The following OR2A12 variants were observed in gnomAD, a reference collection of about 807,000 sequenced individuals.
OR2A12 encodes the protein olfactory receptor family 2 subfamily A member 12.
For synonymous variants in OR2A12, 153 were observed against 149.3 expected (o/e 1.02, Z -0.18); for missense variants, 380 against 372.5 (o/e 1.02, Z -0.17).
rs746190967 is a variant in OR2A12 at position 144,095,708 on chromosome 7, G to C, written c.601G>C (p.Gly201Arg). 8 of 1,614,072 alleles carry C rather than the reference G, an allele frequency of 5.0e-6. No homozygotes were observed. The highest frequency in any genetic ancestry group is 5.9e-6 in the Non-Finnish European group (7 of 1,180,014). ...TRLNQVVLFA[G>R]SAFILVGPLC... ...GCTCAACCAGGTGGTCCTATTTGCG[G>C]GTTCTGCGTTCATCTTAGTGGGGCC... The change falls in exon 2 of 2, where the codon GGT becomes CGT. Residue 201 changes from glycine to arginine, a missense_variant. Physicochemically the swap from Gly to Arg is moderately radical, Grantham distance 125. Transcript: ENST00000641592.
intron 1 of OR2A12, among the ~76,000 whole-genome samples, chr7:144,090,710 T>G (rs1379906070): frequency 6.6e-6 from 1 of 152,204 alleles, no homozygotes; most frequent in African/African-American, 2.4e-5. Flanking sequence ...TAGGCCCCTG[T>G]GCCTGTTGTT....
rs2051261492 is a variant in OR2A12, at chr7:144,095,917, GA to G, written c.812del (p.Lys271ArgfsTer14). On this transcript the variant is annotated frameshift_variant, in exon 2 of 2. Transcript: ENST00000641592. LOFTEE classifies it low-confidence loss of function (END_TRUNC). ...PKSSHSQERR[K>X]ILSLFYSLFN... ...AGTCAAGCCATTCTCAAGAACGGAG[GA>G]AGATCCTTTCCCTGTTTTACAGCCT... The G allele has an allele frequency of 1.2e-6, 2 of 1,614,134 alleles. No homozygotes were observed. Among genetic ancestry groups the G allele is most frequent in the Non-Finnish European group, 8.5e-7 (1 of 1,180,018 alleles).
intron 1 of OR2A12, among the ~76,000 whole-genome samples, chr7:144,089,171 T>G (rs1051673684): frequency 2.6e-5 from 4 of 152,200 alleles, no homozygotes; most frequent in Non-Finnish European, 5.9e-5. Context: ...GAATTGTCTA[T>G]TCTTTGTGGA....
chr7:144,092,599 T>C (rs921298049), intron 1 of OR2A12, among the ~76,000 whole-genome samples: 1 of 152,178 alleles, frequency 6.6e-6, no homozygotes, highest in Non-Finnish European at 1.5e-5. Flanking sequence ...TTTGTGGCAA[T>C]TGTGAATGGG....
intron 1 of OR2A12, among the ~76,000 whole-genome samples, chr7:144,089,483 A>G (rs1407868105): frequency 2.0e-5 from 3 of 152,148 alleles, no homozygotes; most frequent in South Asian, 2.1e-4. Flanking sequence ...TTAATGCCCT[A>G]TAAGTACATA....
At chr7:144,087,069 G>T (rs1044369202) in intron 1 of OR2A12, among the ~76,000 whole-genome samples, 1 of 152,164 alleles carries the variant, frequency 6.6e-6, no homozygotes, top group African/African-American at 2.4e-5. Flanking sequence ...CAAACTGGAA[G>T]AGGCATAAGA....
At position 144,095,463 on chromosome 7, in the gene OR2A12, A is replaced by G; in HGVS notation, c.356A>G (p.Tyr119Cys). 6.2e-7 allele frequency: 1 copy of G among 1,613,916 alleles called. No homozygotes were observed. The change falls in exon 2 of 2, where the codon TAT (tyrosine) becomes TGT (cysteine). Residue 119 changes from tyrosine to cysteine, a missense_variant. Tyr to Cys is a radical substitution (Grantham distance 194). Transcript: ENST00000641592. ...TECLILVMMCYDRYVAICHPL... is the reference protein window; with the variant it reads ...TECLILVMMCCDRYVAICHPL... Reference sequence around the variant, plus strand: ...TGTCTGATTTTGGTGATGATGTGCTATGATCGGTATGTGGCAATCTGTCAC... The same window carrying G: ...TGTCTGATTTTGGTGATGATGTGCTGTGATCGGTATGTGGCAATCTGTCAC...
intron 1 of OR2A12, among the ~76,000 whole-genome samples, chr7:144,090,565 G>A (rs990785054): frequency 1.3e-5 from 2 of 152,080 alleles, no homozygotes; most frequent in Middle Eastern, 3.2e-3. Flanking sequence ...AGGTGTACAT[G>A]TGCAGGTTTG....
rs538477367 is a variant in OR2A12 at position 144,090,857 on chromosome 7, A to T, written c.-51-4200A>T. On this transcript the variant is annotated intron_variant, in intron 1 of 1. Coordinates refer to ENST00000641592, the MANE Select transcript of OR2A12 (RefSeq NM_001004135.2). The stretch of plus-strand genomic sequence containing the variant: ...CTCCATCCATGTTCCTACAAAGGAC[A>T]TGATCTCATTCTTTTTCATGGCTGC... 4.6e-5 allele frequency among the ~76,000 whole-genome samples: 7 copies of T among 152,218 alleles called. No individual in the cohort carries two copies. In the East Asian group the frequency reaches 9.6e-4, roughly 21 times the overall value.
intron 1 of OR2A12, among the ~76,000 whole-genome samples, chr7:144,090,442 A>G (rs557855603): frequency 6.6e-6 from 1 of 152,066 alleles, no homozygotes; most frequent in Admixed American, 6.6e-5. Context: ...AGAAAAACAA[A>G]GTTATTAAAT....
chr7:144,088,055 C>A (rs1247168988), intron 1 of OR2A12, among the ~76,000 whole-genome samples: 1 of 152,170 alleles, frequency 6.6e-6, no homozygotes, highest in African/African-American at 2.4e-5. Flanking sequence ...GCTCTGTCTC[C>A]CAGGCTGGAG....
chr7:144,088,730 CATTG>C lies in OR2A12; in HGVS notation c.-52+2193_-52+2196del, dbSNP rs1341131053. On this transcript the variant is annotated intron_variant, in intron 1 of 1. Coordinates refer to ENST00000641592, the MANE Select transcript of OR2A12 (RefSeq NM_001004135.2). ...TAAATACACAGTAATTTTAATAGTT[CATTG>C]ATTGAGTTTAAAATTTTTCTACAAA... 2.6e-5 allele frequency among the ~76,000 whole-genome samples: 4 copies of C among 152,192 alleles called. No homozygotes were observed. In the South Asian group the frequency reaches 6.2e-4, roughly 24 times the overall value.
Position 144,095,604 on chromosome 7 carries a change from C to A in OR2A12, c.497C>A (p.Pro166His). 1 of 1,614,068 alleles carries A rather than the reference C, an allele frequency of 6.2e-7. No individual in the cohort carries two copies. The highest frequency in any genetic ancestry group is 1.1e-5 in the South Asian group (1 of 91,078). Reference sequence around the variant, plus strand: ...CATATTACTCTTATTCTGAGGCTGCCTTTTTGTGGCCCACAAAAGATCAAC... The same window carrying A: ...CATATTACTCTTATTCTGAGGCTGCATTTTTGTGGCCCACAAAAGATCAAC... ...LVHITLILRL[P>H]FCGPQKINHF... Residue 166 changes from proline (P) to histidine (H), a missense_variant, in exon 2 of 2, where the codon CCT (proline) becomes CAT (histidine). Physicochemically the swap from Pro to His is moderately conservative, Grantham distance 77. Transcript: ENST00000641592.
At chr7:144,092,744 G>A (rs1339082923) in intron 1 of OR2A12, among the ~76,000 whole-genome samples, 1 of 151,888 alleles carries the variant, frequency 6.6e-6, no homozygotes, top group Non-Finnish European at 1.5e-5. Flanking sequence ...TTTAAATTTT[G>A]CAGTCCTTTA....
chr7:144,093,457 T>C (rs1188167941), intron 1 of OR2A12, among the ~76,000 whole-genome samples: 1 of 152,138 alleles, frequency 6.6e-6, no homozygotes, highest in South Asian at 2.1e-4. Flanking sequence ...CTCTTTATTG[T>C]TTTTTAAAAT....
rs560111126 is a variant in OR2A12 at position 144,095,919 on chromosome 7, A to C, written c.812A>C (p.Lys271Thr). The change falls in exon 2 of 2, where the codon AAG becomes ACG. Residue 271 changes from lysine to threonine, a missense_variant. Coordinates refer to ENST00000641592, the MANE Select transcript of OR2A12 (RefSeq NM_001004135.2). ...TCAAGCCATTCTCAAGAACGGAGGA[A>C]GATCCTTTCCCTGTTTTACAGCCTT... Reference protein sequence around the residue: ...PKSSHSQERRKILSLFYSLFN... With the variant: ...PKSSHSQERRTILSLFYSLFN... The C allele has an allele frequency of 6.2e-7, 1 of 1,614,130 alleles. No homozygotes were observed. Among genetic ancestry groups the C allele is most frequent in the South Asian group, 1.1e-5 (1 of 91,080 alleles).
intron 1 of OR2A12, among the ~76,000 whole-genome samples, chr7:144,089,417 A>G (rs189540062): frequency 3.2e-4 from 49 of 152,202 alleles, no homozygotes; most frequent in South Asian, 8.3e-4. Context: ...GGTGTGGCAC[A>G]TAAGGATTTT....
intron 1 of OR2A12, among the ~76,000 whole-genome samples, chr7:144,093,854 C>T (rs2051243129): frequency 6.6e-6 from 1 of 151,690 alleles, no homozygotes; most frequent in Admixed American, 6.6e-5. Context: ...ATATGTGCCA[C>T]ATTTTCTTAA....
intron 1 of OR2A12, among the ~76,000 whole-genome samples, chr7:144,093,328 T>G (rs1412796918): frequency 1.3e-5 from 2 of 152,172 alleles, no homozygotes; most frequent in East Asian, 3.8e-4. Flanking sequence ...TTTATGTCTC[T>G]AAGTGGTGCT....
Sources: allele counts gnomAD v4.1 joint callset (sites outside exome capture counted in the v4.1 genomes callset), GRCh38; gene constraint gnomAD v4.1.1; transcripts MANE v1.5; gene names NCBI Gene and HGNC (gene_info 2026-07-23, HGNC 2026-07-21).